The following PPP3R1 variants were observed in gnomAD, a reference collection of about 807,000 sequenced individuals.
The protein encoded by PPP3R1 is protein phosphatase 3 regulatory subunit B, alpha, also known as calcineurin subunit B type 1.
Under a neutral mutation model 22.6 loss-of-function variants are expected in PPP3R1, and 5 were observed. That is an observed-to-expected ratio of 0.22 (90% CI 0.12 to 0.46). The LOEUF is 0.46. PPP3R1 is among the 20% of genes least tolerant of loss of function. The probability of loss-of-function intolerance (pLI) is 0.99; values close to 1 mark genes in which losing one functional copy is unlikely to be tolerated. For synonymous variants in PPP3R1, 56 were observed against 65.2 expected, an observed-to-expected ratio of 0.86 and a Z score of 0.68; for missense variants, 61 against 203.2, an observed-to-expected ratio of 0.30 and a Z score of 4.25.
Position 68,246,215 on chromosome 2 carries a change from C to T in PPP3R1, c.3+5910G>A, listed in dbSNP as rs115554824. 7.8e-3 allele frequency among the ~76,000 whole-genome samples: 1,189 copies of T among 151,682 alleles called. 10 individuals are homozygous for T. The highest frequency in any genetic ancestry group is 0.011 in the Non-Finnish European group (770 of 67,896). On this transcript the variant is annotated intron_variant, in intron 1 of 5. Transcript: ENST00000234310. The stretch of plus-strand genomic sequence containing the variant: ...TCAGCCTCCTAAGTAGCTGGCATTA[C>T]AGGCACGCGTCACCAAACCCGGCTA...
rs142274879 is a variant in PPP3R1 at position 68,242,391 on chromosome 2, A to G, written c.3+9734T>C. Among the ~76,000 whole-genome samples, 659 of 151,828 alleles carry G rather than the reference A, an allele frequency of 4.3e-3. 10 individuals carry two copies. Among genetic ancestry groups the G allele is most frequent in the Admixed American group, 0.038 (574 of 15,196 alleles). On this transcript the variant is annotated intron_variant, in intron 1 of 5. Coordinates refer to ENST00000234310, the MANE Select transcript of PPP3R1 (RefSeq NM_000945.4). ...CGGTGAGCCAAGATTGCGCCACTGC[A>G]CTCTAGCCTGGACAACAGAGCAAGA...
At chr2:68,239,320 G>A (rs1314903381) in intron 1 of PPP3R1, among the ~76,000 whole-genome samples, 1 of 152,120 alleles carries the variant, frequency 6.6e-6, no homozygotes, top group Non-Finnish European at 1.5e-5. Context: ...TTTACTGACA[G>A]AATATAAGTC....
intron 2 of PPP3R1, among the ~76,000 whole-genome samples, chr2:68,199,222 A>G (rs764210090): frequency 5.9e-5 from 9 of 152,146 alleles, no homozygotes; most frequent in Non-Finnish European, 8.8e-5. Flanking sequence ...TCAGTCTCCC[A>G]AAGTGCTAGG....
intron 1 of PPP3R1, among the ~76,000 whole-genome samples, chr2:68,239,841 C>A: frequency 6.6e-6 from 1 of 152,170 alleles, no homozygotes; most frequent in East Asian, 1.9e-4. Context: ...CACTGCCTAG[C>A]TCAGTAAACC....
At chr2:68,242,523 C>T (rs1670155989) in intron 1 of PPP3R1, among the ~76,000 whole-genome samples, 1 of 152,048 alleles carries the variant, frequency 6.6e-6, no homozygotes, top group South Asian at 2.1e-4. Context: ...CAGCAAGATA[C>T]AGCTGAAGTA....
intron 1 of PPP3R1, among the ~76,000 whole-genome samples, chr2:68,221,073 T>C (rs1019878765): frequency 2.0e-5 from 3 of 151,970 alleles, no homozygotes; most frequent in Non-Finnish European, 2.9e-5. Context: ...GGCTCACGCC[T>C]GTAATCCCAC....
intron 1 of PPP3R1, among the ~76,000 whole-genome samples, chr2:68,251,352 G>C (rs887892619): frequency 1.3e-5 from 2 of 152,192 alleles, no homozygotes; most frequent in Non-Finnish European, 2.9e-5. Context: ...CTCCAAGAGA[G>C]AGACACAAGA....
At chr2:68,198,195 T>C (rs897895907) in intron 2 of PPP3R1, among the ~76,000 whole-genome samples, 2 of 145,732 alleles carry the variant, frequency 1.4e-5, no homozygotes, top group African/African-American at 5.0e-5. Flanking sequence ...AATATATATT[T>C]ACATATATGT....
chr2:68,201,800 T>TA (rs1321384698), intron 2 of PPP3R1, among the ~76,000 whole-genome samples: 2 of 152,236 alleles, frequency 1.3e-5, no homozygotes, highest in African/African-American at 4.8e-5. Flanking sequence ...TTGAATGTAT[T>TA]ACTCCACTGC....
intron 2 of PPP3R1, among the ~76,000 whole-genome samples, chr2:68,207,525 T>C (rs1026796356): frequency 2.0e-5 from 3 of 152,216 alleles, no homozygotes; most frequent in Admixed American, 6.5e-5. Context: ...GTAAGGAACA[T>C]CTATCTGCCT....
intron 1 of PPP3R1, among the ~76,000 whole-genome samples, chr2:68,248,689 A>AT (rs1162561223): frequency 6.6e-6 from 1 of 152,056 alleles, no homozygotes; most frequent in East Asian, 1.9e-4. Flanking sequence ...TCCCTTTAGG[A>AT]TTTAAAGTGC....
chr2:68,184,324 C>T (rs773365011), intron 5 of PPP3R1, among the ~76,000 whole-genome samples: 1 of 152,232 alleles, frequency 6.6e-6, no homozygotes, highest in Non-Finnish European at 1.5e-5. Flanking sequence ...GATTTCCAAG[C>T]TGATAAAGCT....
At chr2:68,231,113 G>A (rs140401804) in intron 1 of PPP3R1, among the ~76,000 whole-genome samples, 117 of 152,042 alleles carry the variant, frequency 7.7e-4, no homozygotes, top group African/African-American at 2.7e-3. Context: ...TGACTCTAAC[G>A]ACACAAGTGT....
At chr2:68,181,699 T>A (rs1674407042) in intron 5 of PPP3R1, among the ~76,000 whole-genome samples, 1 of 152,034 alleles carries the variant, frequency 6.6e-6, no homozygotes. Flanking sequence ...TGTAGTTTGC[T>A]GGCCCCTACT....
intron 1 of PPP3R1, among the ~76,000 whole-genome samples, chr2:68,250,669 CCTCT>C (rs955403326): frequency 2.0e-5 from 3 of 152,204 alleles, no homozygotes; most frequent in Non-Finnish European, 4.4e-5. Flanking sequence ...GCCAAAGTTG[CCTCT>C]CTGAGCTGCC....
intron 1 of PPP3R1, among the ~76,000 whole-genome samples, chr2:68,218,571 ATTC>A (rs1450413672): frequency 2.0e-5 from 3 of 152,016 alleles, no homozygotes; most frequent in African/African-American, 4.8e-5. Flanking sequence ...TCTTACCATG[ATTC>A]TTATCTTCAC....
In PPP3R1 at chr2:68,193,348, T is replaced by C. The variant is rs183745691; in HGVS notation, c.44-4658A>G. ...TGCAGCATGTATGGGGGCAGTTATC[T>C]TTTCTCCAACCACTCATTTATTTCC... On this transcript the variant is annotated intron_variant, in intron 2 of 5. Coordinates refer to ENST00000234310, the MANE Select transcript of PPP3R1 (RefSeq NM_000945.4). Among the ~76,000 whole-genome samples, 3 of 152,246 alleles carry C rather than the reference T, an allele frequency of 2.0e-5. No homozygotes were observed. The East Asian group carries it at 5.8e-4, about 29-fold the overall frequency.
At chr2:68,232,263 GTGTATATATA>G (rs1193882311) in intron 1 of PPP3R1, among the ~76,000 whole-genome samples, 21 of 57,896 alleles carry the variant, frequency 3.6e-4, no homozygotes, top group African/African-American at 1.2e-3. Flanking sequence ...GTGTGTGTGT[GTGTATATATA>G]TATACACACA....
intron 2 of PPP3R1, among the ~76,000 whole-genome samples, chr2:68,192,047 A>T (rs1326086637): frequency 1.3e-5 from 2 of 152,156 alleles, no homozygotes; most frequent in East Asian, 1.9e-4. Flanking sequence ...ATAATGTTTT[A>T]AGTATTAATA....
Sources: allele counts gnomAD v4.1 joint callset (sites outside exome capture counted in the v4.1 genomes callset), GRCh38; gene constraint gnomAD v4.1.1; transcripts MANE v1.5; gene names NCBI Gene and HGNC (gene_info 2026-07-23, HGNC 2026-07-21).